The following GABRA3 variants were observed in gnomAD, a reference collection of about 807,000 sequenced individuals.
GABRA3 encodes gamma-aminobutyric acid type A receptor subunit alpha3, also known as gamma-aminobutyric acid receptor subunit alpha-3.
Under a neutral mutation model 30.1 loss-of-function variants are expected in GABRA3, and 10 were observed. The observed-to-expected ratio is 0.33, with a 90% CI of 0.20 to 0.56. The LOEUF (loss-of-function observed/expected upper bound fraction) is 0.56. Among genes scored for constraint, GABRA3 ranks in the 20% least tolerant of loss-of-function variants. GABRA3 has a pLI of 0.89. For synonymous variants in GABRA3, 151 were observed against 146.8 expected, an observed-to-expected ratio of 1.03 and a Z score of -0.21; for missense variants, 233 against 392.0, an observed-to-expected ratio of 0.59 and a Z score of 3.42.
intron 1 of GABRA3, among the ~76,000 whole-genome samples, chrX:152,377,433 AT>A (rs1308166392): frequency 8.9e-6 from 1 of 111,849 alleles, no homozygotes; most frequent in Non-Finnish European, 1.9e-5. Context: ...AGATTCAAAC[AT>A]CATAATTAAC....
chrX:152,219,488 G>C (rs2124376817), intron 6 of GABRA3, among the ~76,000 whole-genome samples: 1 of 111,385 alleles, frequency 9.0e-6, no homozygotes, highest in South Asian at 3.7e-4. Flanking sequence ...CCAGAAAAAA[G>C]TATTATAATC....
At chrX:152,379,909 C>A (rs1929095434) in intron 1 of GABRA3, among the ~76,000 whole-genome samples, 1 of 110,411 alleles carries the variant, frequency 9.1e-6, no homozygotes, top group Non-Finnish European at 1.9e-5. Context: ...GCGATCTAGG[C>A]TCACTGCAGC....
At chrX:152,433,793 A>G (rs1376757542) in intron 1 of GABRA3, among the ~76,000 whole-genome samples, 1 of 100,636 alleles carries the variant, frequency 9.9e-6, no homozygotes, top group Non-Finnish European at 1.9e-5. Flanking sequence ...AGATAATGAG[A>G]AAAAAAAAGA....
intron 1 of GABRA3, among the ~76,000 whole-genome samples, chrX:152,432,374 AT>A (rs1383594566): frequency 9.0e-6 from 1 of 111,727 alleles, no homozygotes; most frequent in African/African-American, 3.3e-5. Context: ...GAAATATTTG[AT>A]TTTAAATTAA....
At chrX:152,211,317 A>G in intron 6 of GABRA3, among the ~76,000 whole-genome samples, 1 of 109,123 alleles carries the variant, frequency 9.2e-6, no homozygotes, top group East Asian at 2.9e-4. Context: ...CTGAAAATCC[A>G]AGCAGACCCT....
At chrX:152,187,547 A>T in intron 9 of GABRA3, among the ~76,000 whole-genome samples, 1 of 112,041 alleles carries the variant, frequency 8.9e-6, no homozygotes, top group Middle Eastern at 4.7e-3. Flanking sequence ...ACATACACAA[A>T]CACACACAGA....
At chrX:152,411,328 A>C (rs1161775097) in intron 1 of GABRA3, among the ~76,000 whole-genome samples, 2 of 111,109 alleles carry the variant, frequency 1.8e-5, no homozygotes, top group South Asian at 3.8e-4. Context: ...AATGAACAAC[A>C]ACCAAAATAA....
chrX:152,428,734 C>G (rs1930574736), intron 1 of GABRA3, among the ~76,000 whole-genome samples: 1 of 111,581 alleles, frequency 9.0e-6, no homozygotes, highest in African/African-American at 3.3e-5. Flanking sequence ...TGAGTATTTA[C>G]TTATTTCTGC....
At chrX:152,417,575 C>T (rs1327201735) in intron 1 of GABRA3, among the ~76,000 whole-genome samples, 7 of 91,882 alleles carry the variant, frequency 7.6e-5, no homozygotes, top group Non-Finnish European at 1.1e-4. Flanking sequence ...CACATGCACA[C>T]GTATGTTTAT....
At chrX:152,434,710 A>G (rs1930733547) in intron 1 of GABRA3, among the ~76,000 whole-genome samples, 2 of 112,350 alleles carry the variant, frequency 1.8e-5, no homozygotes, top group African/African-American at 6.5e-5. Flanking sequence ...GAATGGTTCT[A>G]TGGGAAATGG....
chrX:152,254,404 T>A (rs936239235), intron 5 of GABRA3, among the ~76,000 whole-genome samples: 4 of 108,775 alleles, frequency 3.7e-5, no homozygotes, highest in African/African-American at 1.3e-4. Flanking sequence ...TTTTGTCCTC[T>A]CTTCTCATAC....
intron 1 of GABRA3, among the ~76,000 whole-genome samples, chrX:152,440,921 G>A (rs1364556297): frequency 1.1e-4 from 12 of 110,001 alleles, no homozygotes; most frequent in Non-Finnish European, 3.8e-5. Flanking sequence ...TATGTGACAG[G>A]TTGATGGGTG....
chrX:152,415,031 G>A (rs1335586701), intron 1 of GABRA3, among the ~76,000 whole-genome samples: 2 of 110,937 alleles, frequency 1.8e-5, no homozygotes, highest in African/African-American at 6.5e-5. Flanking sequence ...GGAGAGTTAA[G>A]TAGGTGGGCC....
intron 5 of GABRA3, among the ~76,000 whole-genome samples, chrX:152,227,540 AAT>A (rs574802333): frequency 0.023 from 2,474 of 105,956 alleles, 41 homozygotes; most frequent in Middle Eastern, 0.062. Context: ...AATGATAATA[AAT>A]ATATATATAT....
intron 4 of GABRA3, among the ~76,000 whole-genome samples, chrX:152,264,140 G>T (rs972213531): frequency 9.9e-5 from 11 of 111,099 alleles, no homozygotes; most frequent in African/African-American, 3.6e-4. Flanking sequence ...TAATCTGAAG[G>T]TACAAAACTC....
At chrX:152,419,706 T>A (rs1041737751) in intron 1 of GABRA3, among the ~76,000 whole-genome samples, 2 of 111,515 alleles carry the variant, frequency 1.8e-5, no homozygotes, top group African/African-American at 3.3e-5. Context: ...GCATCAGTCT[T>A]ACATAATATC....
At chrX:152,210,554 C>T (rs982082505) in intron 6 of GABRA3, among the ~76,000 whole-genome samples, 3 of 112,053 alleles carry the variant, frequency 2.7e-5, no homozygotes, top group African/African-American at 9.7e-5. Flanking sequence ...TATTTGGCCT[C>T]GATTGATTGA....
At chrX:152,265,347 T>C (rs1938804873) in intron 4 of GABRA3, among the ~76,000 whole-genome samples, 1 of 111,421 alleles carries the variant, frequency 9.0e-6, no homozygotes, top group African/African-American at 3.3e-5. Flanking sequence ...AAGAGGAATT[T>C]TGGAAACTAC....
intron 1 of GABRA3, among the ~76,000 whole-genome samples, chrX:152,406,592 A>ATG (rs1556793475): frequency 0.019 from 2,053 of 105,578 alleles, 43 homozygotes; most frequent in African/African-American, 0.066. Context: ...ATATATATAT[A>ATG]TATTTTTATA....
Sources: gnomAD v4.1 joint callset for allele counts (sites outside exome capture counted in the v4.1 genomes callset) on GRCh38, gnomAD v4.1.1 for gene constraint, MANE v1.5 for transcripts, NCBI Gene and HGNC (gene_info 2026-07-23, HGNC 2026-07-21) for gene names.